The following NALF1 variants were observed in gnomAD, a reference collection of about 807,000 sequenced individuals.
NALF1 encodes family with sequence similarity 155 member A.
A neutral mutation model predicts 48.4 loss-of-function variants in NALF1; 3 were observed. The observed-to-expected ratio is 0.06, with a 90% confidence interval of 0.03 to 0.16. The LOEUF (loss-of-function observed/expected upper bound fraction) is 0.16, where lower values mean the gene tolerates loss of function less well. NALF1 is among the 10% of genes least tolerant of loss of function. NALF1 has a pLI of 1.00. For synonymous variants in NALF1, 262 were observed against 245.7 expected, an observed-to-expected ratio of 1.07 and a Z score of -0.62; for missense variants, 526 against 571.5, an observed-to-expected ratio of 0.92 and a Z score of 0.81.
intron 1 of NALF1, among the ~76,000 whole-genome samples, chr13:107,287,850 C>A (rs989458953): frequency 6.6e-6 from 1 of 151,556 alleles, no homozygotes; most frequent in East Asian, 2.0e-4. Context: ...GGATTACAAG[C>A]GCCTGCCACC....
At position 107,170,642 on chromosome 13, in the gene NALF1, C is replaced by A; in HGVS notation, c.1232G>T (p.Arg411Ile). Residue 411 changes from arginine to isoleucine, a missense_variant, in exon 3 of 3, where the codon AGA (arginine) becomes ATA (isoleucine). Physicochemically the swap from Arg to Ile is moderately conservative, Grantham distance 97. This residue lies in a region of NALF1 where 153 missense variants were observed against 215.9 expected (regional missense o/e 0.71). Coordinates refer to ENST00000375915, the MANE Select transcript of NALF1 (RefSeq NM_001080396.3). ...RTSLTVSSAT[R>I]LCNSRLKLCV... is the part of the protein sequence containing the mutation. ...CAGCTTGAGTCTGCTGTTGCACAGT[C>A]TTGTTGCTGATGACACTGTGAGCGA... The A allele has an allele frequency of 6.2e-7, 1 of 1,614,210 alleles. No homozygotes were observed. Among genetic ancestry groups the A allele is most frequent in the Non-Finnish European group, 8.5e-7 (1 of 1,180,036 alleles).
chr13:107,249,068 C>T (rs1009554622), intron 1 of NALF1, among the ~76,000 whole-genome samples: 2 of 151,920 alleles, frequency 1.3e-5, no homozygotes, highest in African/African-American at 4.8e-5. Flanking sequence ...CAGAACATTT[C>T]CTGATTCCAG....
chr13:107,192,788 A>G (rs559466747), intron 2 of NALF1, among the ~76,000 whole-genome samples: 24 of 152,294 alleles, frequency 1.6e-4, no homozygotes, highest in African/African-American at 5.8e-4. Flanking sequence ...GCCATATAAT[A>G]TACTTCTGGT....
chr13:107,622,935 A>T (rs1199336185), intron 1 of NALF1, among the ~76,000 whole-genome samples: 4 of 152,220 alleles, frequency 2.6e-5, no homozygotes, highest in East Asian at 3.9e-4. Context: ...ACAGACATTT[A>T]CAGCACCATA....
At chr13:107,756,338 T>C (rs1268015692) in intron 1 of NALF1, among the ~76,000 whole-genome samples, 1 of 151,834 alleles carries the variant, frequency 6.6e-6, no homozygotes, top group African/African-American at 2.4e-5. Flanking sequence ...GTGATGCCAA[T>C]GTGGCTGATG....
intron 1 of NALF1, among the ~76,000 whole-genome samples, chr13:107,645,303 A>T (rs1352628328): frequency 6.6e-6 from 1 of 152,162 alleles, no homozygotes; most frequent in Admixed American, 6.5e-5. Flanking sequence ...ATATAGAAGT[A>T]TCAAAGTGTT....
rs34637583 is a variant in NALF1, at chr13:107,263,249, GACACACACACAC to G, written c.916-52506_916-52495del. 4.0e-3 allele frequency among the ~76,000 whole-genome samples: 547 copies of G among 138,464 alleles called. 2 individuals are homozygous for G. The highest frequency in any genetic ancestry group is 6.5e-3 in the Non-Finnish European group (415 of 64,332). The allele number at this position is 138,464 out of a possible 152,430, so 90.8% of individuals were successfully genotyped here. A position where few individuals can be genotyped will look rare whatever the true frequency, so the allele number is the denominator to read the frequency against. ...CCCAACACCCCACAAAATGCTAACA[GACACACACACAC>G]ACACACACACACACACACACACACA... is the stretch of plus-strand genomic sequence containing the variant. On this transcript the variant is annotated intron_variant, in intron 1 of 2. Transcript: ENST00000375915.
chr13:107,435,073 T>C (rs778029033), intron 1 of NALF1, among the ~76,000 whole-genome samples: 2 of 152,066 alleles, frequency 1.3e-5, no homozygotes, highest in African/African-American at 4.8e-5. Flanking sequence ...GGTTCTATGA[T>C]GGGTTTAGTA....
At position 107,516,579 on chromosome 13, in the gene NALF1, T is replaced by A. The variant is rs78768621; in HGVS notation, c.916-305824A>T. 2.0e-3 allele frequency among the ~76,000 whole-genome samples: 298 copies of A among 152,268 alleles called. 2 individuals are homozygous for A. Among genetic ancestry groups the A allele is most frequent in the African/African-American group, 6.9e-3 (286 of 41,554 alleles). On this transcript the variant is annotated intron_variant, in intron 1 of 2. Coordinates refer to ENST00000375915, the MANE Select transcript of NALF1 (RefSeq NM_001080396.3). ...TTTATTAAAATAATAAACAAAACAA[T>A]TTAAGTAATCTTGTAGCAGTTAGCA...
intron 2 of NALF1, among the ~76,000 whole-genome samples, chr13:107,182,019 T>C: frequency 6.6e-6 from 1 of 152,160 alleles, no homozygotes; most frequent in East Asian, 1.9e-4. Context: ...TTCTTTATAC[T>C]TTTCTCTGTA....
At chr13:107,313,798 T>TA (rs1203113617) in intron 1 of NALF1, among the ~76,000 whole-genome samples, 3 of 152,200 alleles carry the variant, frequency 2.0e-5, no homozygotes, top group African/African-American at 7.2e-5. Context: ...ACCTTTTGTC[T>TA]ATTATCTGTG....
chr13:107,790,662 C>G (rs796304762), intron 1 of NALF1, among the ~76,000 whole-genome samples: 1 of 152,140 alleles, frequency 6.6e-6, no homozygotes, highest in Non-Finnish European at 1.5e-5. Context: ...ATTCTGCATA[C>G]ATTTATGCGA....
intron 1 of NALF1, among the ~76,000 whole-genome samples, chr13:107,241,051 T>TTA (rs1880456402): frequency 1.5e-5 from 1 of 66,382 alleles, no homozygotes; most frequent in Non-Finnish European, 2.6e-5. Flanking sequence ...CCATATCTAC[T>TTA]AAAAAAAAAA....
intron 1 of NALF1, among the ~76,000 whole-genome samples, chr13:107,298,015 T>G (rs576171974): frequency 1.3e-5 from 2 of 152,266 alleles, no homozygotes; most frequent in Admixed American, 6.5e-5. Context: ...CCATACTGTA[T>G]TCAAAACCAT....
chr13:107,217,141 A>G (rs966246847), intron 1 of NALF1, among the ~76,000 whole-genome samples: 2 of 152,070 alleles, frequency 1.3e-5, no homozygotes, highest in African/African-American at 4.8e-5. Flanking sequence ...TCATCTCACT[A>G]TGATTTGGCC....
intron 1 of NALF1, among the ~76,000 whole-genome samples, chr13:107,842,561 G>A (rs1371445140): frequency 1.3e-5 from 2 of 151,260 alleles, no homozygotes; most frequent in Non-Finnish European, 2.9e-5. Context: ...TCAAATTGTA[G>A]TGGACATAAG....
rs543881298 is a variant in NALF1, at chr13:107,724,845, C to T, written c.915+140837G>A. Among the ~76,000 whole-genome samples the T allele has an allele frequency of 4.7e-4, 72 of 152,158 alleles. No individual in the cohort carries two copies. In the South Asian group the frequency reaches 0.013, roughly 27 times the overall value. The stretch of plus-strand genomic sequence containing the variant: ...ATCCACCCACCTTGGCATCCCAAAG[C>T]TCTGGGATTACAGGCATGAACCACC... On this transcript the variant is annotated intron_variant, in intron 1 of 2. Coordinates refer to ENST00000375915, the MANE Select transcript of NALF1 (RefSeq NM_001080396.3).
chr13:107,365,092 C>A (rs985726242), intron 1 of NALF1, among the ~76,000 whole-genome samples: 6 of 148,116 alleles, frequency 4.1e-5, no homozygotes, highest in Non-Finnish European at 7.4e-5. Flanking sequence ...TTCTCTTCCT[C>A]CTCTACCTCC....
intron 1 of NALF1, among the ~76,000 whole-genome samples, chr13:107,815,260 A>AT (rs35678367): frequency 0.12 from 17,948 of 151,436 alleles, 1,144 homozygotes; most frequent in Middle Eastern, 0.23. Flanking sequence ...CATGTAACTG[A>AT]TTTTTTTTAA....
Sources: gnomAD v4.1 joint callset for allele counts (sites outside exome capture counted in the v4.1 genomes callset) on GRCh38, gnomAD v4.1.1 for gene constraint, gnomAD v4.1.1 regional missense constraint, MANE v1.5 for transcripts, NCBI Gene and HGNC (gene_info 2026-07-23, HGNC 2026-07-21) for gene names.